The following DDC variants were observed in gnomAD, a reference collection of about 807,000 sequenced individuals.
DDC encodes aromatic-L-amino-acid decarboxylase.
DDC carries 43 observed loss-of-function variants against 60.0 expected under a neutral mutation model. The observed-to-expected ratio is 0.72, with a 90% CI of 0.56 to 0.92. DDC has a LOEUF of 0.92. Ranked by LOEUF, DDC falls within the 40% of genes least tolerant of loss-of-function variation. The probability of loss-of-function intolerance (pLI) is 0.00; values close to 1 mark genes in which losing one functional copy is unlikely to be tolerated. For synonymous variants in DDC, 232 were observed against 234.6 expected, an observed-to-expected ratio of 0.99 and a Z score of 0.10; for missense variants, 573 against 620.2, an observed-to-expected ratio of 0.92 and a Z score of 0.81.
intron 1 of DDC, among the ~76,000 whole-genome samples, chr7:50,556,885 G>A (rs2045206698): frequency 6.6e-6 from 1 of 152,202 alleles, no homozygotes; most frequent in Non-Finnish European, 1.5e-5. Context: ...TGGTGGATTT[G>A]CATTCAGAGA....
chr7:50,539,931 C>G lies in DDC; in HGVS notation c.299G>C (p.Cys100Ser), dbSNP rs200339845. 5.0e-6 allele frequency: 8 copies of G among 1,613,792 alleles called. No homozygotes were observed. Among genetic ancestry groups the G allele is most frequent in the Non-Finnish European group, 6.8e-6 (8 of 1,179,838 alleles). Residue 100 changes from cysteine to serine, a missense_variant, in exon 3 of 15, where the codon TGC (cysteine) becomes TCC (serine). Coordinates refer to ENST00000444124, the MANE Select transcript of DDC (RefSeq NM_001082971.2). ...GACCCTCACCCAGGAGAAGCCGATG[C>G]AGCCAATGGCCCCGCACAGCATGTC... Reference protein sequence around the residue: ...LADMLCGAIGCIGFSWAASPA... With the variant: ...LADMLCGAIGSIGFSWAASPA...
At chr7:50,477,898 G>A (rs1275192697) in intron 10 of DDC, among the ~76,000 whole-genome samples, 1 of 152,102 alleles carries the variant, frequency 6.6e-6, no homozygotes, top group Non-Finnish European at 1.5e-5. Flanking sequence ...CATGCAGAAA[G>A]CACTCAGTAA....
chr7:50,478,165 G>GT (rs1273608928), intron 10 of DDC, among the ~76,000 whole-genome samples: 3 of 152,050 alleles, frequency 2.0e-5, no homozygotes, highest in Admixed American at 6.5e-5. Flanking sequence ...GAGAGCCAAG[G>GT]TTGCACCACT....
intron 7 of DDC, 37 bp from the exon 8 acceptor site, chr7:50,499,279 A>G: frequency 6.9e-7 from 1 of 1,457,312 alleles, no homozygotes; most frequent in Non-Finnish European, 9.6e-7. Context: ...CCCCAGATGG[A>G]TGCCTCACCA....
intron 9 of DDC, among the ~76,000 whole-genome samples, chr7:50,491,524 G>A (rs1362441400): frequency 6.6e-6 from 1 of 152,088 alleles, no homozygotes; most frequent in Admixed American, 6.5e-5. Context: ...TTTTAAAAGG[G>A]GAGGGGAAGA....
intron 1 of DDC, among the ~76,000 whole-genome samples, chr7:50,545,896 T>C (rs1354267989): frequency 2.6e-5 from 4 of 152,206 alleles, no homozygotes; most frequent in Non-Finnish European, 4.4e-5. Context: ...AAGGCACGTC[T>C]TGTGCATAGG....
chr7:50,543,884 C>G lies in DDC; in HGVS notation c.201+1G>C, dbSNP rs1450673278. 2 of 1,613,780 alleles carry G rather than the reference C, an allele frequency of 1.2e-6. No individual in the cohort carries two copies. The highest frequency in any genetic ancestry group is 3.3e-5 in the Admixed American group (2 of 60,004). On this transcript the variant is annotated splice_donor_variant, in intron 2 of 14. Coordinates refer to ENST00000444124, the MANE Select transcript of DDC (RefSeq NM_001082971.2). LOFTEE classifies it high-confidence loss of function. ...TTTTCTGACCTTGGATACACACTTA[C>G]CCCAGGCATGATTATCTTCTCAACG... is the stretch of plus-strand genomic sequence containing the variant.
chr7:50,502,213 A>G (rs2043276314), intron 7 of DDC, among the ~76,000 whole-genome samples: 1 of 152,198 alleles, frequency 6.6e-6, no homozygotes, highest in Admixed American at 6.5e-5. Flanking sequence ...CAAACAAATC[A>G]TAAATCAAGC....
intron 7 of DDC, among the ~76,000 whole-genome samples, chr7:50,502,369 C>T (rs1449637472): frequency 1.3e-5 from 2 of 152,184 alleles, no homozygotes; most frequent in Admixed American, 1.3e-4. Flanking sequence ...CCACACTTGG[C>T]CCAGGGGACA....
At chr7:50,552,655 G>T (rs1368202914) in intron 1 of DDC, among the ~76,000 whole-genome samples, 8 of 152,164 alleles carry the variant, frequency 5.3e-5, no homozygotes, top group African/African-American at 1.9e-4. Flanking sequence ...TCCAAGCAGG[G>T]TCCTCAACTT....
At chr7:50,548,660 T>C (rs867159990) in intron 1 of DDC, among the ~76,000 whole-genome samples, 11 of 152,336 alleles carry the variant, frequency 7.2e-5, no homozygotes, top group Middle Eastern at 3.4e-3. Flanking sequence ...CTGTCTCCAT[T>C]ACATAGAAGT....
intron 1 of DDC, among the ~76,000 whole-genome samples, chr7:50,559,309 C>A (rs547912217): frequency 6.8e-4 from 104 of 152,312 alleles, no homozygotes; most frequent in African/African-American, 2.4e-3. Context: ...CTAACCTTTT[C>A]TACGAGGTCC....
intron 1 of DDC, among the ~76,000 whole-genome samples, chr7:50,553,702 G>T (rs559066812): frequency 6.6e-6 from 1 of 151,918 alleles, no homozygotes; most frequent in African/African-American, 2.4e-5. Flanking sequence ...GGTCAGGATG[G>T]TCTTGAACTC....
At chr7:50,488,963 TCTTAA>T (rs1477444610) in intron 9 of DDC, among the ~76,000 whole-genome samples, 2 of 152,170 alleles carry the variant, frequency 1.3e-5, no homozygotes, top group African/African-American at 2.4e-5. Context: ...AAAAAATATA[TCTTAA>T]CTTAAAGATC....
At chr7:50,467,416 A>G in intron 12 of DDC, 101 bp from the exon 13 acceptor site, 2 of 1,000,980 alleles carry the variant, frequency 2.0e-6, no homozygotes, top group Middle Eastern at 2.1e-4. Flanking sequence ...TAATTCATTT[A>G]GACGCTCTTG....
At chr7:50,465,761 A>T (rs2042381111) in intron 13 of DDC, among the ~76,000 whole-genome samples, 1 of 152,272 alleles carries the variant, frequency 6.6e-6, no homozygotes, top group Non-Finnish European at 1.5e-5. Context: ...GAAAACTGTC[A>T]ACAAAAACAA....
chr7:50,556,726 T>C (rs2045200461), intron 1 of DDC, among the ~76,000 whole-genome samples: 3 of 152,232 alleles, frequency 2.0e-5, no homozygotes, highest in Non-Finnish European at 2.9e-5. Flanking sequence ...CACTGGGTCC[T>C]AAGTCCCACT....
intron 12 of DDC, among the ~76,000 whole-genome samples, chr7:50,468,981 T>C (rs112505836): frequency 0.052 from 7,265 of 139,100 alleles, 432 homozygotes; most frequent in African/African-American, 0.15. Flanking sequence ...GCTTTGTCAC[T>C]CAGGCTTTAG....
At chr7:50,523,219 C>T (rs1028454612) in intron 6 of DDC, among the ~76,000 whole-genome samples, 11 of 151,944 alleles carry the variant, frequency 7.2e-5, no homozygotes, top group Non-Finnish European at 8.8e-5. Context: ...TATAAATTTC[C>T]GAGAAGATAA....
Sources: gnomAD v4.1 joint callset for allele counts (sites outside exome capture counted in the v4.1 genomes callset) on GRCh38, gnomAD v4.1.1 for gene constraint, MANE v1.5 for transcripts, NCBI Gene and HGNC (gene_info 2026-07-23, HGNC 2026-07-21) for gene names.